SNRPN: variants seen among roughly 807,000 people sequenced by gnomAD.
SNRPN encodes small nuclear ribonucleoprotein-associated protein N.
In SNRPN, 7 loss-of-function variants were observed where a neutral mutation model predicts 25.2. The ratio of observed to expected loss-of-function variants is 0.28; its 90% CI spans 0.16 to 0.52. The LOEUF (loss-of-function observed/expected upper bound fraction) is 0.52, where lower values mean the gene tolerates loss of function less well. Among genes scored for constraint, SNRPN ranks in the 20% least tolerant of loss-of-function variants. The pLI, the probability that SNRPN is intolerant of heterozygous loss-of-function variation, is 0.96. For missense variants in SNRPN, 196 were observed against 322.5 expected, an observed-to-expected ratio of 0.61 and a Z score of 3.00; for synonymous variants, 124 against 110.6, an observed-to-expected ratio of 1.12 and a Z score of -0.76.
At chr15:24,886,110 G>A (rs926459768) in intron 1 of SNRPN, among the ~76,000 whole-genome samples, 2 of 152,096 alleles carry the variant, frequency 1.3e-5, no homozygotes, top group Non-Finnish European at 2.9e-5. Context: ...CTTGTAAAAT[G>A]CAGTTTTAAC....
chr15:24,918,446 A>ATATATAACATAATATATATGTGCG lies in SNRPN; in HGVS notation c.-504-1559_-504-1558insACATAATATATATGTGCGTATATA, dbSNP rs1566908855. Among the ~76,000 whole-genome samples the ATATATAACATAATATATATGTGCG allele has an allele frequency of 1.5e-4, 16 of 110,202 alleles. 2 individuals are homozygous for ATATATAACATAATATATATGTGCG. Among genetic ancestry groups the ATATATAACATAATATATATGTGCG allele is most frequent in the East Asian group, 6.8e-4 (2 of 2,950 alleles). The allele number at this position is 110,202 out of a possible 152,430, so 72.3% of individuals were successfully genotyped here. A position where few individuals can be genotyped will look rare whatever the true frequency, so the allele number is the denominator to read the frequency against. ...TATATATAACATAATATATATGTGT[A>ATATATAACATAATATATATGTGCG]TATATATAACATAATATATATGTGT... On this transcript the variant is annotated intron_variant, in intron 2 of 11. Transcript: ENST00000400097.
At chr15:24,919,999 T>C (rs886051015) in intron 2 of SNRPN, 1 of 152,188 alleles carries the variant, frequency 6.6e-6, no homozygotes, top group Non-Finnish European at 1.5e-5. Flanking sequence ...TCTTTACAAT[T>C]CTCAACCTCA....
intron 3 of SNRPN, 123 bp from the exon 4 acceptor site, chr15:24,974,188 A>C: frequency 2.0e-6 from 1 of 487,966 alleles, no homozygotes; most frequent in South Asian, 2.6e-5. Context: ...CTTGGTGAGG[A>C]AGCTAGTATG....
chr15:24,903,428 A>G (rs1162543241), intron 2 of SNRPN, among the ~76,000 whole-genome samples: 1 of 152,172 alleles, frequency 6.6e-6, no homozygotes, highest in East Asian at 1.9e-4. Context: ...AGAAAAAACA[A>G]AAACAAAAAC....
chr15:24,913,470 C>T (rs946784874), intron 2 of SNRPN, among the ~76,000 whole-genome samples: 1 of 151,990 alleles, frequency 6.6e-6, no homozygotes, highest in African/African-American at 2.4e-5. Context: ...TGGTGAAAGA[C>T]CACCTCTACT....
chr15:24,879,539 A>C (rs2056378105), intron 1 of SNRPN, among the ~76,000 whole-genome samples: 1 of 152,252 alleles, frequency 6.6e-6, no homozygotes, highest in African/African-American at 2.4e-5. Context: ...ATGAGAAAAT[A>C]AATGTAAAAT....
chr15:24,971,393 G>A (rs1397375579), intron 3 of SNRPN, among the ~76,000 whole-genome samples: 2 of 152,132 alleles, frequency 1.3e-5, no homozygotes, highest in Non-Finnish European at 2.9e-5. Flanking sequence ...TGACTACATT[G>A]TATCACATTT....
Position 24,937,764 on chromosome 15 carries a change from G to A in SNRPN, c.-391+17640G>A, listed in dbSNP as rs114483050. On this transcript the variant is annotated intron_variant, in intron 3 of 11. Coordinates refer to the SNRPN transcript ENST00000400097. ...AAATTGCCCATTAAATAATAACTCC[G>A]TTTCCTCCTCCCCACACCCCATCCC... Among the ~76,000 whole-genome samples, 248 of 151,812 alleles carry A rather than the reference G, an allele frequency of 1.6e-3. 2 individuals are homozygous for A. Among genetic ancestry groups the A allele is most frequent in the African/African-American group, 5.8e-3 (240 of 41,404 alleles).
chr15:24,927,159 C>T (rs892658489), intron 3 of SNRPN, among the ~76,000 whole-genome samples: 4 of 151,496 alleles, frequency 2.6e-5, no homozygotes, highest in African/African-American at 4.9e-5. Context: ...CTTGGTTTGT[C>T]ACCCAGGCTG....
chr15:24,928,966 A>C (rs891109487), intron 3 of SNRPN, among the ~76,000 whole-genome samples: 1 of 152,038 alleles, frequency 6.6e-6, no homozygotes, highest in Non-Finnish European at 1.5e-5. Flanking sequence ...TTCCAAGCTC[A>C]TGTTGTATCT....
chr15:24,961,719 A>G (rs2074854829), intron 1 of SNRPN, among the ~76,000 whole-genome samples: 1 of 152,120 alleles, frequency 6.6e-6, no homozygotes, highest in Non-Finnish European at 1.5e-5. Flanking sequence ...TGTATCCTAA[A>G]AATATTTTTT....
chr15:24,927,868 C>T (rs1350987768), intron 3 of SNRPN, among the ~76,000 whole-genome samples: 1 of 152,118 alleles, frequency 6.6e-6, no homozygotes, highest in Non-Finnish European at 1.5e-5. Flanking sequence ...ATGTCCTCAG[C>T]TTGAGTCCAT....
At chr15:24,897,691 T>C (rs529450807) in intron 2 of SNRPN, among the ~76,000 whole-genome samples, 18 of 152,188 alleles carry the variant, frequency 1.2e-4, no homozygotes, top group Non-Finnish European at 2.4e-4. Context: ...GTTTCCCCTA[T>C]ACTGTTCTCT....
At chr15:24,926,225 CTT>C (rs2060368516) in intron 3 of SNRPN, among the ~76,000 whole-genome samples, 1 of 151,980 alleles carries the variant, frequency 6.6e-6, no homozygotes, top group Non-Finnish European at 1.5e-5. Flanking sequence ...AATTTTCCAA[CTT>C]TTATTATATT....
intron 2 of SNRPN, among the ~76,000 whole-genome samples, chr15:24,915,378 G>C (rs1022753585): frequency 6.6e-6 from 1 of 152,002 alleles, no homozygotes; most frequent in East Asian, 1.9e-4. Flanking sequence ...TGCCCGCTTC[G>C]GCCACCCAAG....
At position 24,978,138 on chromosome 15, in the gene SNRPN, C is replaced by G. The variant is rs374121458; in HGVS notation, c.560-55C>G. 45 of 1,573,418 alleles carry G rather than the reference C, an allele frequency of 2.9e-5. No homozygotes were observed. In the East Asian group the frequency reaches 3.6e-4, roughly 13 times the overall value. On this transcript the variant is annotated intron_variant, in intron 8 of 9. Coordinates refer to ENST00000390687, the MANE Select transcript of SNRPN (RefSeq NM_003097.6). ...CTTTAGGGATTATTTGGGCTAAATT[C>G]TAACTTTTCTAAGCCATTTTATGAG...
chr15:24,918,388 A>G (rs2059683992), intron 2 of SNRPN, among the ~76,000 whole-genome samples: 1 of 101,036 alleles, frequency 9.9e-6, no homozygotes, highest in Non-Finnish European at 2.0e-5. Context: ...AACATAATAT[A>G]TATGTGTATA....
intron 2 of SNRPN, chr15:24,829,908 GGGT>G (rs1463270992): frequency 2.4e-4 from 36 of 152,152 alleles, no homozygotes; most frequent in African/African-American, 8.0e-4. Flanking sequence ...CAAATGAGGT[GGGT>G]TTGCAGCTGC....
intron 3 of SNRPN, among the ~76,000 whole-genome samples, chr15:24,972,541 C>CTTTTTTTT (rs755600861): frequency 2.7e-5 from 3 of 112,222 alleles, no homozygotes; most frequent in Non-Finnish European, 3.8e-5. Context: ...TTAGAGTATT[C>CTTTTTTTT]TTTTTTTTTT....
Sources: allele counts gnomAD v4.1 joint callset (sites outside exome capture counted in the v4.1 genomes callset), GRCh38; gene constraint gnomAD v4.1.1; transcripts MANE v1.5; gene names NCBI Gene and HGNC (gene_info 2026-07-23, HGNC 2026-07-21).